NBEA: variants seen among roughly 807,000 people sequenced by gnomAD.
NBEA encodes the protein lysosomal-trafficking regulator 2.
In NBEA, 44 loss-of-function variants were observed where a neutral mutation model predicts 343.4. That is an observed-to-expected ratio of 0.13 (90% CI 0.10 to 0.16). The LOEUF is 0.16. NBEA is among the 10% of genes least tolerant of loss of function. NBEA has a pLI of 1.00. For synonymous variants in NBEA, 1,175 were observed against 1,238.7 expected (o/e 0.95, Z 1.08); for missense variants, 2,555 against 3,631.3 (o/e 0.70, Z 7.62).
intron 18 of NBEA, among the ~76,000 whole-genome samples, chr13:35,154,158 G>A (rs2068989498): frequency 6.6e-6 from 1 of 152,066 alleles, no homozygotes; most frequent in East Asian, 1.9e-4. Context: ...TTTATTTCAG[G>A]TCAATATCTT....
Position 34,943,015 on chromosome 13 carries a change from G to T in NBEA, c.195G>T (p.Val65=). 1 of 1,612,934 alleles carries T rather than the reference G, an allele frequency of 6.2e-7. No homozygotes were observed. The highest frequency in any genetic ancestry group is 8.5e-7 in the Non-Finnish European group (1 of 1,179,506). ...CCGCGGGGATGATTAACCCTTCGGT[G>T]CCGATCCGCAACATCCGGATGAAAT... ...MLPAGMINPS[V]PIRNIRMKFA... Residue 65 remains valine, a synonymous_variant, in exon 1 of 59, where the codon GTG becomes GTT. Transcript: ENST00000379939.
chr13:35,224,438 G>A (rs569004886), intron 33 of NBEA, among the ~76,000 whole-genome samples: 1 of 151,992 alleles, frequency 6.6e-6, no homozygotes, highest in Admixed American at 6.6e-5. Flanking sequence ...TGCACACTCC[G>A]TTTGAGTGTG....
chr13:34,966,296 A>G (rs1045816340), intron 1 of NBEA, among the ~76,000 whole-genome samples: 2 of 151,980 alleles, frequency 1.3e-5, no homozygotes, highest in African/African-American at 2.4e-5. Context: ...AGTGTTTCTT[A>G]TATTTCTTTT....
chr13:35,670,813 T>C (rs2085587466), intron 58 of NBEA, 88 bp from the exon 59 acceptor site: 1 of 870,926 alleles, frequency 1.1e-6, no homozygotes, highest in Middle Eastern at 2.2e-4. Context: ...TAGTGTAAAA[T>C]GCCAAACTTT....
At chr13:35,617,373 G>A (rs2082781345) in intron 48 of NBEA, among the ~76,000 whole-genome samples, 1 of 152,146 alleles carries the variant, frequency 6.6e-6, no homozygotes, top group Non-Finnish European at 1.5e-5. Context: ...AAGCAGTGCC[G>A]GGTGAAATGG....
intron 1 of NBEA, among the ~76,000 whole-genome samples, chr13:35,008,834 C>G (rs192169131): frequency 1.3e-5 from 2 of 152,148 alleles, no homozygotes; most frequent in African/African-American, 4.8e-5. Flanking sequence ...TTGGGGTATA[C>G]TTACTTGCAA....
intron 38 of NBEA, among the ~76,000 whole-genome samples, chr13:35,394,030 G>C (rs1418720744): frequency 6.6e-6 from 1 of 152,038 alleles, no homozygotes; most frequent in Non-Finnish European, 1.5e-5. Flanking sequence ...GATGACTAAG[G>C]CTCACCTTCC....
intron 17 of NBEA, among the ~76,000 whole-genome samples, chr13:35,138,538 C>T (rs889462713): frequency 6.6e-6 from 1 of 151,200 alleles, no homozygotes; most frequent in Non-Finnish European, 1.5e-5. Context: ...CCACCCACTG[C>T]AACCTACACC....
intron 33 of NBEA, among the ~76,000 whole-genome samples, chr13:35,215,016 A>G (rs2073988923): frequency 6.6e-6 from 1 of 151,670 alleles, no homozygotes; most frequent in African/African-American, 2.4e-5. Context: ...CCCATGAACT[A>G]TATGTCACTA....
rs536164333 is a variant in NBEA, at chr13:35,440,865, C to T, written c.6304+8472C>T. ...ATTTCCTTAACTATGAGGGCATTAC[C>T]GAACATTTCCCTGCTGTAAAGTTTA... On this transcript the variant is annotated intron_variant, in intron 39 of 58. Transcript: ENST00000379939. Among the ~76,000 whole-genome samples the T allele has an allele frequency of 1.6e-4, 25 of 152,206 alleles. No individual in the cohort carries two copies. In the South Asian group the frequency reaches 4.6e-3, roughly 28 times the overall value.
intron 33 of NBEA, among the ~76,000 whole-genome samples, chr13:35,215,926 A>G (rs1052329481): frequency 6.6e-6 from 1 of 151,658 alleles, no homozygotes; most frequent in African/African-American, 2.4e-5. Flanking sequence ...TTTGTCTTCA[A>G]TGAATTTACC....
In NBEA at chr13:35,044,975, T is replaced by C; in HGVS notation, c.555T>C (p.Leu185=). The change falls in exon 3 of 59, where the codon CTT becomes CTC. Residue 185 remains leucine (L), a synonymous_variant. Coordinates refer to ENST00000379939, the MANE Select transcript of NBEA (RefSeq NM_001385012.1). ...ADLLVDMLGV[L]ASYSITVKEL... ...TTCTAGTTGATATGTTGGGGGTTCT[T>C]GCCAGCTACAGCATCACTGTCAAGG... is the stretch of plus-strand genomic sequence containing the variant. 6.2e-7 allele frequency: 1 copy of C among 1,611,790 alleles called. No homozygotes were observed. Among genetic ancestry groups the C allele is most frequent in the Non-Finnish European group, 8.5e-7 (1 of 1,178,836 alleles).
At chr13:35,666,536 C>A (rs1275056902) in intron 56 of NBEA, among the ~76,000 whole-genome samples, 1 of 152,046 alleles carries the variant, frequency 6.6e-6, no homozygotes, top group Non-Finnish European at 1.5e-5. Flanking sequence ...TAGGGCAAGT[C>A]TATTACTTTA....
intron 46 of NBEA, among the ~76,000 whole-genome samples, chr13:35,588,756 T>C (rs1162951957): frequency 6.6e-6 from 1 of 152,096 alleles, no homozygotes; most frequent in Non-Finnish European, 1.5e-5. Context: ...ACCCTAGACA[T>C]ATAACATGTA....
chr13:35,429,246 C>G (rs924695372), intron 38 of NBEA, among the ~76,000 whole-genome samples: 1 of 152,180 alleles, frequency 6.6e-6, no homozygotes, highest in Non-Finnish European at 1.5e-5. Flanking sequence ...TTCTCTGATA[C>G]CACCCAGCAA....
intron 38 of NBEA, among the ~76,000 whole-genome samples, chr13:35,430,501 G>A (rs554774400): frequency 3.1e-4 from 47 of 152,158 alleles, no homozygotes; most frequent in African/African-American, 1.1e-3. Context: ...CTGGGTTCTT[G>A]GTCATGAAGT....
In NBEA at chr13:35,650,994, C is replaced by T. The variant is rs556817731; in HGVS notation, c.7964-811C>T. On this transcript the variant is annotated intron_variant, in intron 52 of 58. Transcript: ENST00000379939. The stretch of plus-strand genomic sequence containing the variant: ...TTAAGGTTATTGGTGATATTATCAA[C>T]GTAAGGTAACGCTACTTCCATTCCA... Among the ~76,000 whole-genome samples the T allele has an allele frequency of 2.6e-5, 4 of 152,202 alleles. No individual in the cohort carries two copies. The South Asian group carries it at 8.3e-4, about 32-fold the overall frequency.
intron 52 of NBEA, 142 bp downstream of exon 52, chr13:35,649,989 A>C (rs2084438453): frequency 3.5e-6 from 3 of 847,316 alleles, no homozygotes; most frequent in Non-Finnish European, 5.4e-6. Context: ...TGTCAAATCC[A>C]ACTAAGGGAC....
Position 35,411,645 on chromosome 13 carries a change from G to GTT in NBEA, c.6180-20621_6180-20620dup, listed in dbSNP as rs537371619. ...CTAATGTTTTTCTTTTTTGTTTTTT[G>GTT]TTTTGTTGTTGTTGTTGTTGTTGTT... On this transcript the variant is annotated intron_variant, in intron 38 of 58. Transcript: ENST00000379939. Among the ~76,000 whole-genome samples the GTT allele has an allele frequency of 3.7e-5, 4 of 109,422 alleles. 1 individual carries two copies. The South Asian group carries it at 1.3e-3, about 35-fold the overall frequency. The allele number at this position is 109,422 out of a possible 152,430, so 71.8% of individuals were successfully genotyped here.
Sources: allele counts gnomAD v4.1 joint callset (sites outside exome capture counted in the v4.1 genomes callset), GRCh38; gene constraint gnomAD v4.1.1; transcripts MANE v1.5; gene names NCBI Gene and HGNC (gene_info 2026-07-23, HGNC 2026-07-21).